MGLL: variants seen among roughly 807,000 people sequenced by gnomAD.
The protein encoded by MGLL is monoglyceride lipase.
A neutral mutation model predicts 29.1 loss-of-function variants in MGLL; 7 were observed. The ratio of observed to expected loss-of-function variants is 0.24; its 90% CI spans 0.14 to 0.45. The LOEUF (loss-of-function observed/expected upper bound fraction) is 0.45, where lower values mean the gene tolerates loss of function less well. Among genes scored for constraint, MGLL ranks in the 20% least tolerant of loss-of-function variants. The pLI is 0.99. For synonymous variants in MGLL, 148 were observed against 168.3 expected, an observed-to-expected ratio of 0.88 and a Z score of 0.93; for missense variants, 356 against 413.6, an observed-to-expected ratio of 0.86 and a Z score of 1.21.
intron 3 of MGLL, among the ~76,000 whole-genome samples, chr3:127,762,025 T>A (rs2076773546): frequency 6.6e-6 from 1 of 151,996 alleles, no homozygotes; most frequent in African/African-American, 2.4e-5. Flanking sequence ...CTACCACTCC[T>A]GGCTTGTTGT....
At chr3:127,754,721 C>T (rs894082668) in intron 3 of MGLL, among the ~76,000 whole-genome samples, 1 of 152,140 alleles carries the variant, frequency 6.6e-6, no homozygotes, top group African/African-American at 2.4e-5. Flanking sequence ...GGCAAGAAAG[C>T]GTAGGCTTCA....
chr3:127,755,836 C>T (rs530176987), intron 3 of MGLL, among the ~76,000 whole-genome samples: 2 of 152,360 alleles, frequency 1.3e-5, no homozygotes, highest in South Asian at 4.1e-4. Context: ...TTCCCATAAA[C>T]ACAGAGTAAC....
In MGLL at chr3:127,727,320, T is replaced by C. The variant is rs77665057; in HGVS notation, c.263-4754A>G. 4.0e-3 allele frequency among the ~76,000 whole-genome samples: 616 copies of C among 152,340 alleles called. 4 individuals carry two copies. The highest frequency in any genetic ancestry group is 0.014 in the African/African-American group (596 of 41,566). ...GGTGCCTTTGCTTTCATGCTCTTCA[T>C]TAGGCAGAGCTGAAAAACTTAATTC... On this transcript the variant is annotated intron_variant, in intron 3 of 7. Coordinates refer to ENST00000265052, the MANE Select transcript of MGLL (RefSeq NM_007283.7).
chr3:127,751,254 C>T (rs371914863), intron 3 of MGLL, among the ~76,000 whole-genome samples: 43 of 152,252 alleles, frequency 2.8e-4, no homozygotes, highest in African/African-American at 9.4e-4. Flanking sequence ...TCCATTTGCA[C>T]CTGTCCATGC....
intron 5 of MGLL, 168 bp from the exon 6 acceptor site, chr3:127,710,833 C>T: frequency 1.5e-6 from 1 of 678,650 alleles, no homozygotes; most frequent in Non-Finnish European, 2.7e-6. Flanking sequence ...AGGACTCTCC[C>T]TTCTGACTCA....
chr3:127,752,714 C>G (rs534368062), intron 3 of MGLL, among the ~76,000 whole-genome samples: 1 of 152,222 alleles, frequency 6.6e-6, no homozygotes, highest in Non-Finnish European at 1.5e-5. Flanking sequence ...CAGATGGAAC[C>G]TTCCCAAAAT....
intron 6 of MGLL, among the ~76,000 whole-genome samples, chr3:127,704,286 T>C (rs1367431303): frequency 1.3e-5 from 2 of 151,942 alleles, no homozygotes; most frequent in South Asian, 2.1e-4. Flanking sequence ...TAGAAGAAAA[T>C]CTAGGCAATA....
At chr3:127,718,705 G>A (rs927977345) in intron 5 of MGLL, among the ~76,000 whole-genome samples, 6 of 152,200 alleles carry the variant, frequency 3.9e-5, no homozygotes, top group South Asian at 2.1e-4. Flanking sequence ...TGGAGTGAGC[G>A]TTGACGGGAG....
intron 3 of MGLL, among the ~76,000 whole-genome samples, chr3:127,751,977 G>T (rs1559945344): frequency 6.6e-6 from 1 of 152,156 alleles, no homozygotes; most frequent in African/African-American, 2.4e-5. Context: ...TTTACAAATT[G>T]TTATTTAAAG....
In MGLL at chr3:127,691,704, G is replaced by C. The variant is rs2075246955; in HGVS notation, c.*494C>G. On this transcript the variant is annotated 3_prime_UTR_variant, in exon 8 of 8. Transcript: ENST00000265052. ...GAGCCTCAGAGGGGCACGTGAGTCT[G>C]CCCTGGGGAGCTGGCCCCTATGGAG... The C allele has an allele frequency of 1.6e-5, 3 of 186,486 alleles. No individual in the cohort carries two copies. In the Admixed American group the frequency reaches 1.6e-4, roughly 10 times the overall value. The allele number at this position is 186,486 out of a possible 1,614,324, so 11.6% of individuals were successfully genotyped here. A position where few individuals can be genotyped will look rare whatever the true frequency, so the allele number is the denominator to read the frequency against.
chr3:127,789,887 A>G (rs1339638410), intron 2 of MGLL, among the ~76,000 whole-genome samples: 2 of 152,174 alleles, frequency 1.3e-5, no homozygotes, highest in Non-Finnish European at 2.9e-5. Context: ...AATGGGCACA[A>G]CTCAGACCCA....
chr3:127,725,919 A>G (rs1251146356), intron 3 of MGLL, among the ~76,000 whole-genome samples: 1 of 151,828 alleles, frequency 6.6e-6, no homozygotes, highest in Admixed American at 6.6e-5. Flanking sequence ...AAGAATTTAA[A>G]ACAGAAACTG....
chr3:127,736,003 C>G, intron 3 of MGLL: 1 of 1,420,592 alleles, frequency 7.0e-7, no homozygotes, highest in South Asian at 1.6e-5. Flanking sequence ...TAAAAGCTCC[C>G]AGGTTTAACA....
At chr3:127,736,764 G>A (rs1053815035) in intron 3 of MGLL, among the ~76,000 whole-genome samples, 19 of 152,016 alleles carry the variant, frequency 1.2e-4, no homozygotes, top group African/African-American at 4.3e-4. Flanking sequence ...GTGCAATCTC[G>A]GCTCACTGCA....
intron 3 of MGLL, among the ~76,000 whole-genome samples, chr3:127,756,354 G>A (rs1192419867): frequency 6.6e-6 from 1 of 152,140 alleles, no homozygotes. Flanking sequence ...TCTTTCCTAT[G>A]CAAATTAACT....
Position 127,726,720 on chromosome 3 carries a change from G to A in MGLL, c.263-4154C>T, listed in dbSNP as rs150958268. ...GCTGGGATTACAGGTGTGAGCCACCGCGCCTGGCCTACAGGGGTTCTTTAT... is the reference window on the plus strand; with the variant it reads ...GCTGGGATTACAGGTGTGAGCCACCACGCCTGGCCTACAGGGGTTCTTTAT... On this transcript the variant is annotated intron_variant, in intron 3 of 7. Transcript: ENST00000265052. Among the ~76,000 whole-genome samples the A allele has an allele frequency of 1.1e-4, 17 of 152,230 alleles. No homozygotes were observed. In the South Asian group the frequency reaches 1.2e-3, roughly 11 times the overall value.
At chr3:127,785,785 C>T (rs1049099331) in intron 2 of MGLL, among the ~76,000 whole-genome samples, 4 of 152,238 alleles carry the variant, frequency 2.6e-5, no homozygotes, top group South Asian at 2.1e-4. Context: ...GAACAAACAA[C>T]GTTGTCCCTG....
At chr3:127,804,099 A>G (rs930587595) in intron 2 of MGLL, among the ~76,000 whole-genome samples, 81 of 152,270 alleles carry the variant, frequency 5.3e-4, no homozygotes, top group African/African-American at 1.9e-3. Context: ...TGAAGAAATA[A>G]TATGAAATTT....
At position 127,691,866 on chromosome 3, in the gene MGLL, A is replaced by C; in HGVS notation, c.*332T>G. ...TGCAGTCTGGTGTCCTGGGAACACC[A>C]GGAATTCCTGGAACCCTTGTGGGAG... is the stretch of plus-strand genomic sequence containing the variant. On this transcript the variant is annotated 3_prime_UTR_variant, in exon 8 of 8. Transcript: ENST00000265052. The C allele has an allele frequency of 1.5e-5, 5 of 339,184 alleles. No individual in the cohort carries two copies. Among genetic ancestry groups the C allele is most frequent in the Non-Finnish European group, 2.2e-5 (4 of 179,518 alleles). 21.0% of individuals were successfully genotyped at this position (339,184 alleles called of 1,614,324 possible). A position where few individuals can be genotyped will look rare whatever the true frequency, so the allele number is the denominator to read the frequency against.
Sources: gnomAD v4.1 joint callset for allele counts (sites outside exome capture counted in the v4.1 genomes callset) on GRCh38, gnomAD v4.1.1 for gene constraint, MANE v1.5 for transcripts, NCBI Gene and HGNC (gene_info 2026-07-23, HGNC 2026-07-21) for gene names.